The following GRIK3 variants were observed in gnomAD, a reference collection of about 807,000 sequenced individuals.
GRIK3 encodes the protein glutamate receptor ionotropic, kainate 3.
GRIK3 carries 29 observed loss-of-function variants against 102.5 expected under a neutral mutation model. That is an observed-to-expected ratio of 0.28 (90% CI 0.21 to 0.39). GRIK3 has a LOEUF of 0.39. Among genes scored for constraint, GRIK3 ranks in the 10% least tolerant of loss-of-function variants. The pLI, the probability that GRIK3 is intolerant of heterozygous loss-of-function variation, is 1.00. For synonymous variants in GRIK3, 511 were observed against 504.9 expected (o/e 1.01, Z -0.16); for missense variants, 908 against 1,252.4 (o/e 0.73, Z 4.15).
intron 1 of GRIK3, among the ~76,000 whole-genome samples, chr1:37,027,262 A>G (rs1379493415): frequency 6.6e-6 from 1 of 152,188 alleles, no homozygotes; most frequent in Non-Finnish European, 1.5e-5. Context: ...CATGGCTGCT[A>G]TGAAATGTGG....
chr1:36,804,100 C>A (rs559805236), intron 15 of GRIK3, among the ~76,000 whole-genome samples: 44 of 152,328 alleles, frequency 2.9e-4, no homozygotes, highest in African/African-American at 9.9e-4. Flanking sequence ...ATTCCAACAT[C>A]GAGTATTATC....
At chr1:36,869,376 G>A (rs992393903) in intron 5 of GRIK3, among the ~76,000 whole-genome samples, 14 of 152,192 alleles carry the variant, frequency 9.2e-5, no homozygotes, top group African/African-American at 3.4e-4. Flanking sequence ...AGCTCCTCAT[G>A]TACCAGGCAC....
chr1:36,804,826 A>G, intron 15 of GRIK3, 161 bp downstream of exon 15: 2 of 904,780 alleles, frequency 2.2e-6, no homozygotes, highest in South Asian at 1.7e-5. Flanking sequence ...GTGCCAGGTC[A>G]GGACAGAGGT....
intron 1 of GRIK3, among the ~76,000 whole-genome samples, chr1:36,944,577 G>A (rs1450671292): frequency 6.6e-6 from 1 of 152,172 alleles, no homozygotes; most frequent in African/African-American, 2.4e-5. Flanking sequence ...AGATCAGAAG[G>A]GAAGAGAAAT....
At chr1:37,002,679 T>A (rs1309140687) in intron 1 of GRIK3, among the ~76,000 whole-genome samples, 1 of 151,412 alleles carries the variant, frequency 6.6e-6, no homozygotes, top group Non-Finnish European at 1.5e-5. Flanking sequence ...TCTTTTTTTT[T>A]TTTTTTTTTG....
At chr1:36,871,454 A>T (rs1413582385) in intron 4 of GRIK3, among the ~76,000 whole-genome samples, 1 of 152,214 alleles carries the variant, frequency 6.6e-6, no homozygotes, top group Non-Finnish European at 1.5e-5. Context: ...CAGTCACCAG[A>T]AATGCTTTCT....
At chr1:37,005,677 C>T (rs1337155334) in intron 1 of GRIK3, among the ~76,000 whole-genome samples, 1 of 152,234 alleles carries the variant, frequency 6.6e-6, no homozygotes, top group Non-Finnish European at 1.5e-5. Context: ...GGGGAAACTG[C>T]AGATCATGGC....
At chr1:36,845,629 G>A (rs925562902) in intron 9 of GRIK3, among the ~76,000 whole-genome samples, 14 of 152,196 alleles carry the variant, frequency 9.2e-5, no homozygotes, top group Admixed American at 2.0e-4. Context: ...ACACATGCAC[G>A]CACAAGTATA....
intron 1 of GRIK3, among the ~76,000 whole-genome samples, chr1:36,957,424 T>G (rs1641926648): frequency 1.5e-5 from 1 of 68,334 alleles, no homozygotes; most frequent in African/African-American, 5.5e-5. Flanking sequence ...GTGTGCCCCA[T>G]GAGCCTCTGT....
intron 1 of GRIK3, among the ~76,000 whole-genome samples, chr1:37,028,827 A>G (rs1642790738): frequency 6.6e-6 from 1 of 152,204 alleles, no homozygotes; most frequent in African/African-American, 2.4e-5. Flanking sequence ...CCTCACCTGT[A>G]AAATGGGATA....
chr1:36,890,951 G>A lies in GRIK3; in HGVS notation c.261C>T (p.His87=), dbSNP rs199543796. ...TTLTYDIQRI[H]FHDSFEATKK... is the part of the protein sequence containing the mutation. Reference sequence around the variant, plus strand: ...TGGTCGCCTCGAAGCTGTCATGGAAGTGAATCCTCTGTATGTCATAGGTCA... The same window carrying A: ...TGGTCGCCTCGAAGCTGTCATGGAAATGAATCCTCTGTATGTCATAGGTCA... The change falls in exon 2 of 16, where the codon CAC becomes CAT. Residue 87 remains histidine (H), a synonymous_variant. Transcript: ENST00000373091. 14 of 1,613,304 alleles carry A rather than the reference G, an allele frequency of 8.7e-6. No homozygotes were observed. Among genetic ancestry groups the A allele is most frequent in the East Asian group, 4.5e-5 (2 of 44,854 alleles).
intron 9 of GRIK3, among the ~76,000 whole-genome samples, chr1:36,846,120 G>A (rs1640516872): frequency 6.6e-6 from 1 of 152,236 alleles, no homozygotes; most frequent in Non-Finnish European, 1.5e-5. Flanking sequence ...CAGTGTGTGA[G>A]CTGAGGTTTG....
chr1:36,875,969 T>C (rs936546593), intron 3 of GRIK3, among the ~76,000 whole-genome samples: 2 of 152,178 alleles, frequency 1.3e-5, no homozygotes, highest in Admixed American at 6.5e-5. Context: ...CCCATTCCCA[T>C]CTGACAATGT....
intron 1 of GRIK3, among the ~76,000 whole-genome samples, chr1:36,976,707 C>A (rs1392407270): frequency 6.6e-6 from 1 of 152,154 alleles, no homozygotes; most frequent in Non-Finnish European, 1.5e-5. Flanking sequence ...TGGATCTCTC[C>A]ATCCTTCCTG....
intron 1 of GRIK3, among the ~76,000 whole-genome samples, chr1:36,968,220 C>CGTGTGTGTGTGT (rs66480824): frequency 7.1e-6 from 1 of 141,064 alleles, no homozygotes; most frequent in Non-Finnish European, 1.6e-5. Flanking sequence ...TCTCTCTCTC[C>CGTGTGTGTGTGT]GTGTGTGTGT....
chr1:36,838,788 G>A (rs902291427), intron 10 of GRIK3, among the ~76,000 whole-genome samples: 4 of 152,176 alleles, frequency 2.6e-5, no homozygotes, highest in African/African-American at 9.7e-5. Flanking sequence ...CTTTCTATGG[G>A]CTAGTGAGAA....
rs746014348 is a variant in GRIK3 at position 36,859,148 on chromosome 1, G to A, written c.1064C>T (p.Ala355Val). ...CATGAAGCGGCCGCCAAAGCGCCAG[G>A]CCTTGTGCCGATGGCACTGCAGGGA... ...VNSLQCHRHKAWRFGGRFMNF... is the reference protein window; with the variant it reads ...VNSLQCHRHKVWRFGGRFMNF... The change falls in exon 7 of 16, where the codon GCC becomes GTC. Residue 355 changes from alanine to valine, a missense_variant. Physicochemically the swap from Ala to Val is moderately conservative, Grantham distance 64 (BLOSUM62 0). Coordinates refer to ENST00000373091, the MANE Select transcript of GRIK3 (RefSeq NM_000831.4). 1.2e-6 allele frequency: 2 copies of A among 1,613,586 alleles called. No homozygotes were observed. Among genetic ancestry groups the A allele is most frequent in the East Asian group, 2.2e-5 (1 of 44,860 alleles).
chr1:36,883,998 T>G (rs373265342), intron 2 of GRIK3, among the ~76,000 whole-genome samples: 4 of 152,224 alleles, frequency 2.6e-5, no homozygotes, highest in African/African-American at 7.2e-5. Flanking sequence ...TGTGATGAGC[T>G]GGCTAGTTTT....
intron 1 of GRIK3, among the ~76,000 whole-genome samples, chr1:36,897,559 T>C (rs1339738067): frequency 6.6e-6 from 1 of 152,164 alleles, no homozygotes; most frequent in South Asian, 2.1e-4. Flanking sequence ...ACATCATTGA[T>C]CATCAGAAAA....
Sources: gnomAD v4.1 joint callset for allele counts (sites outside exome capture counted in the v4.1 genomes callset) on GRCh38, gnomAD v4.1.1 for gene constraint, MANE v1.5 for transcripts, NCBI Gene and HGNC (gene_info 2026-07-23, HGNC 2026-07-21) for gene names.